Variants in PCMTD1 observed in about 807,000 individuals in gnomAD.
PCMTD1 encodes the protein protein-L-isoaspartate O-methyltransferase domain-containing protein 1.
PCMTD1 carries 12 observed loss-of-function variants against 37.6 expected under a neutral mutation model. The ratio of observed to expected loss-of-function variants is 0.32; its 90% CI spans 0.20 to 0.52. The LOEUF is 0.52. Among genes scored for constraint, PCMTD1 ranks in the 20% least tolerant of loss-of-function variants. The pLI is 0.97. For synonymous variants in PCMTD1, 117 were observed against 135.8 expected (o/e 0.86, Z 0.96); for missense variants, 235 against 421.3 (o/e 0.56, Z 3.87).
intron 3 of PCMTD1, among the ~76,000 whole-genome samples, chr8:51,835,339 T>C (rs1405810525): frequency 6.6e-6 from 1 of 152,178 alleles, no homozygotes; most frequent in Non-Finnish European, 1.5e-5. Flanking sequence ...TAGCATCTCA[T>C]CCTTTCTACT....
At chr8:51,881,554 G>A (rs1032424206) in intron 1 of PCMTD1, among the ~76,000 whole-genome samples, 1 of 152,188 alleles carries the variant, frequency 6.6e-6, no homozygotes, top group African/African-American at 2.4e-5. Flanking sequence ...CAGGCAGAGT[G>A]TAGTAAGTTC....
At chr8:51,855,336 T>A (rs182248459) in intron 2 of PCMTD1, among the ~76,000 whole-genome samples, 312 of 148,652 alleles carry the variant, frequency 2.1e-3, no homozygotes, top group African/African-American at 7.4e-3. Flanking sequence ...AAAACCAGCC[T>A]GGCCAACATG....
chr8:51,856,948 TTAAA>T (rs1349797822), intron 2 of PCMTD1, among the ~76,000 whole-genome samples: 2 of 152,196 alleles, frequency 1.3e-5, no homozygotes, highest in African/African-American at 4.8e-5. Flanking sequence ...AATTGTACTC[TTAAA>T]TGAGTAAACT....
chr8:51,832,286 A>G (rs1307902667), intron 4 of PCMTD1, among the ~76,000 whole-genome samples: 2 of 152,268 alleles, frequency 1.3e-5, no homozygotes, highest in Non-Finnish European at 2.9e-5. Flanking sequence ...AATAAAAAAC[A>G]AATTGTTTAA....
At chr8:51,845,254 A>T (rs1370501567) in intron 3 of PCMTD1, 1 of 156,528 alleles carries the variant, frequency 6.4e-6, no homozygotes, top group Non-Finnish European at 1.4e-5. Context: ...AAAGTAGCTG[A>T]ATATGTTAAA....
chr8:51,836,257 AC>A lies in PCMTD1; in HGVS notation c.411-2569del, dbSNP rs558824050. On this transcript the variant is annotated intron_variant, in intron 3 of 5. Coordinates refer to ENST00000522514, the MANE Select transcript of PCMTD1 (RefSeq NM_052937.4). ...AGCCACCAACCACTGTGACAAGTAAACCCTTAAAATGTGGCTAATTCAAGTT... is the reference window on the plus strand; with the variant it reads ...AGCCACCAACCACTGTGACAAGTAAACCTTAAAATGTGGCTAATTCAAGTT... Among the ~76,000 whole-genome samples the A allele has an allele frequency of 1.8e-3, 269 of 152,290 alleles. 1 individual carries two copies. The highest frequency in any genetic ancestry group is 3.2e-3 in the Non-Finnish European group (215 of 68,022).
intron 1 of PCMTD1, among the ~76,000 whole-genome samples, chr8:51,889,499 A>G (rs1320355383): frequency 6.6e-6 from 1 of 152,186 alleles, no homozygotes; most frequent in African/African-American, 2.4e-5. Flanking sequence ...TTCTAGATCT[A>G]TCTGACACCA....
intron 5 of PCMTD1, among the ~76,000 whole-genome samples, chr8:51,829,678 G>A (rs2037972157): frequency 6.6e-6 from 1 of 152,132 alleles, no homozygotes; most frequent in African/African-American, 2.4e-5. Context: ...GCCGAGGCAG[G>A]AGAATTGCTT....
At chr8:51,845,820 CTTTT>C (rs535280139) in intron 2 of PCMTD1, 57 bp from the exon 3 acceptor site, 12 of 1,221,532 alleles carry the variant, frequency 9.8e-6, no homozygotes, top group Admixed American at 1.9e-5. Flanking sequence ...TTACAGAGCT[CTTTT>C]TTAAGTTCTG....
At chr8:51,842,449 G>A (rs1027704753) in intron 3 of PCMTD1, among the ~76,000 whole-genome samples, 1 of 151,918 alleles carries the variant, frequency 6.6e-6, no homozygotes, top group African/African-American at 2.4e-5. Context: ...CAAGTAGTTG[G>A]GAATACAGGT....
At chr8:51,848,402 G>A (rs1328893205) in intron 2 of PCMTD1, among the ~76,000 whole-genome samples, 5 of 151,936 alleles carry the variant, frequency 3.3e-5, no homozygotes, top group African/African-American at 1.2e-4. Context: ...CAATACTGCT[G>A]GCACTCCATG....
In PCMTD1 at chr8:51,833,376, T is replaced by C. The variant is rs2038023073; in HGVS notation, c.582+142A>G. 4 of 554,232 alleles carry C rather than the reference T, an allele frequency of 7.2e-6. No individual in the cohort carries two copies. The South Asian group carries it at 1.2e-4, about 16-fold the overall frequency. 34.3% of individuals were successfully genotyped at this position (554,232 alleles called of 1,614,324 possible). Reference sequence around the variant, plus strand: ...AAATAATTAAGATGTTTCAAGTTTTTTCTAAACAAATAAGATAAATCTGGT... The same window carrying C: ...AAATAATTAAGATGTTTCAAGTTTTCTCTAAACAAATAAGATAAATCTGGT... On this transcript the variant is annotated intron_variant, in intron 4 of 5. Transcript: ENST00000522514.
At position 51,820,367 on chromosome 8, in the gene PCMTD1, T is replaced by C; in HGVS notation, c.1058A>G (p.Tyr353Cys). 6.3e-7 allele frequency: 1 copy of C among 1,577,988 alleles called. No homozygotes were observed. The highest frequency in any genetic ancestry group is 8.6e-7 in the Non-Finnish European group (1 of 1,167,914). The stretch of plus-strand genomic sequence containing the variant: ...TGATCTAAGTTATTTGTCTCTAAAA[T>C]ATGTCAAGTAAGCTTTTAAAGATTC... The part of the protein sequence containing the change: ...LPESLKAYLT[Y>C]FRDK The change falls in exon 6 of 6, where the codon TAT (tyrosine) becomes TGT (cysteine). Residue 353 changes from tyrosine to cysteine, a missense_variant. Tyr to Cys is a radical substitution (Grantham distance 194). Transcript: ENST00000522514.
In PCMTD1 at chr8:51,845,644, T is replaced by A; in HGVS notation, c.410+17A>T. On this transcript the variant is annotated intron_variant, in intron 3 of 5. Coordinates refer to ENST00000522514, the MANE Select transcript of PCMTD1 (RefSeq NM_052937.4). Reference sequence around the variant, plus strand: ...ATTAAGTGATTTTAAACCAAAACTATAGATATGAATACTTACTTATCAAAG... The same window carrying A: ...ATTAAGTGATTTTAAACCAAAACTAAAGATATGAATACTTACTTATCAAAG... The A allele has an allele frequency of 6.4e-7, 1 of 1,573,604 alleles. No individual in the cohort carries two copies. Among genetic ancestry groups the A allele is most frequent in the East Asian group, 2.2e-5 (1 of 44,580 alleles).
intron 1 of PCMTD1, among the ~76,000 whole-genome samples, chr8:51,879,729 C>T (rs1018818887): frequency 2.0e-5 from 3 of 151,966 alleles, no homozygotes; most frequent in Non-Finnish European, 4.4e-5. Context: ...ACAGGCAAAA[C>T]GTAAAAATGA....
intron 1 of PCMTD1, among the ~76,000 whole-genome samples, chr8:51,898,207 TA>T (rs2039036674): frequency 6.6e-6 from 1 of 152,174 alleles, no homozygotes; most frequent in Non-Finnish European, 1.5e-5. Flanking sequence ...TTCTCGATTC[TA>T]AAAAGAGGAC....
chr8:51,885,951 G>A (rs1329498966), intron 1 of PCMTD1, among the ~76,000 whole-genome samples: 2 of 152,140 alleles, frequency 1.3e-5, no homozygotes, highest in African/African-American at 2.4e-5. Context: ...AACAACTAGT[G>A]AGCATTGGAA....
chr8:51,894,376 T>C (rs1249871718), intron 1 of PCMTD1, among the ~76,000 whole-genome samples: 1 of 152,220 alleles, frequency 6.6e-6, no homozygotes, highest in Admixed American at 6.5e-5. Context: ...GAACTCGGGC[T>C]TTCTTCCAGA....
chr8:51,861,328 T>C, intron 1 of PCMTD1, 82 bp from the exon 2 acceptor site: 1 of 969,340 alleles, frequency 1.0e-6, no homozygotes, highest in Non-Finnish European at 1.5e-6. Flanking sequence ...TATGTCATTA[T>C]AATTAACTAC....
Sources: gnomAD v4.1 joint callset for allele counts (sites outside exome capture counted in the v4.1 genomes callset) on GRCh38, gnomAD v4.1.1 for gene constraint, MANE v1.5 for transcripts, NCBI Gene and HGNC (gene_info 2026-07-23, HGNC 2026-07-21) for gene names.